The following GPRC6A variants were observed in gnomAD, a reference collection of about 807,000 sequenced individuals.
GPRC6A encodes G protein-coupled receptor class C group 6 member A.
A neutral mutation model predicts 47.0 loss-of-function variants in GPRC6A; 54 were observed. The observed-to-expected ratio is 1.15, with a 90% CI of 0.92 to 1.44. The LOEUF is 1.44. Ranked by LOEUF, GPRC6A falls within the 40% of genes most tolerant of loss-of-function variation. The pLI, the probability that GPRC6A is intolerant of heterozygous loss-of-function variation, is 0.00. For synonymous variants in GPRC6A, 347 were observed against 377.1 expected (o/e 0.92, Z 0.93); for missense variants, 1,112 against 1,105.5 (o/e 1.01, Z -0.08).
Position 116,795,724 on chromosome 6 carries a change from T to C in GPRC6A, c.1660A>G (p.Thr554Ala), listed in dbSNP as rs1181476248. The change falls in exon 5 of 6, where the codon ACT becomes GCT. Residue 554 changes from threonine (T) to alanine (A), a missense_variant. Thr to Ala is a moderately conservative substitution (Grantham distance 58, BLOSUM62 0). Coordinates refer to ENST00000310357, the MANE Select transcript of GPRC6A (RefSeq NM_148963.4). Reference sequence around the variant, plus strand: ...TGACTGTGATTACCTGTCTGATTAGTGTAATGATTTTCAGGACAGTTCTGA... The same window carrying C: ...TGACTGTGATTACCTGTCTGATTAGCGTAATGATTTTCAGGACAGTTCTGA... Reference protein sequence around the residue: ...ECQNCPENHYTNQTDMPHCLL... With the variant: ...ECQNCPENHYANQTDMPHCLL... The C allele has an allele frequency of 2.5e-6, 4 of 1,610,582 alleles. No homozygotes were observed. Among genetic ancestry groups the C allele is most frequent in the Non-Finnish European group, 3.4e-6 (4 of 1,177,568 alleles).
At chr6:116,817,358 A>G (rs1257202954) in intron 1 of GPRC6A, among the ~76,000 whole-genome samples, 18 of 151,788 alleles carry the variant, frequency 1.2e-4, no homozygotes, top group African/African-American at 3.9e-4. Flanking sequence ...AACAAACAGA[A>G]AGGACATCCA....
At chr6:116,817,485 CT>C (rs1171611805) in intron 1 of GPRC6A, among the ~76,000 whole-genome samples, 10 of 152,144 alleles carry the variant, frequency 6.6e-5, no homozygotes, top group Admixed American at 5.9e-4. Context: ...AGCACCTCTC[CT>C]CCTCCAAAGG....
At position 116,811,352 on chromosome 6, in the gene GPRC6A, C is replaced by A. The variant is rs145309060; in HGVS notation, c.195-1735G>T. ...AAATTGGAAGAAGCAACTGAAACAT[C>A]AGATGTATATATATTAACATAAGAA... On this transcript the variant is annotated intron_variant, in intron 1 of 5. Coordinates refer to ENST00000310357, the MANE Select transcript of GPRC6A (RefSeq NM_148963.4). 6.9e-4 allele frequency among the ~76,000 whole-genome samples: 105 copies of A among 151,888 alleles called. No homozygotes were observed. The East Asian group carries it at 0.019, about 28-fold the overall frequency.
Position 116,800,746 on chromosome 6 carries a change from A to C in GPRC6A, c.1386T>G (p.Phe462Leu). Residue 462 changes from phenylalanine to leucine, a missense_variant, in exon 4 of 6, where the codon TTT becomes TTG. By Grantham distance (22) the Phe-to-Leu change is conservative (BLOSUM62 0). Transcript: ENST00000310357. ...NVTFTDGWNS[F>L]HFDAHGDLNT... is the part of the protein sequence containing the mutation. ...TTAAATCCCCGTGAGCATCAAAATG[A>C]AATGAATTCCATCCATCAGTGAATG... 2 of 1,611,786 alleles carry C rather than the reference A, an allele frequency of 1.2e-6. No individual in the cohort carries two copies. Among genetic ancestry groups the C allele is most frequent in the Non-Finnish European group, 1.7e-6 (2 of 1,178,452 alleles).
chr6:116,795,913 T>A, intron 4 of GPRC6A, 78 bp from the exon 5 acceptor site: 1 of 931,190 alleles, frequency 1.1e-6, no homozygotes, highest in Non-Finnish European at 1.6e-6. Context: ...TCGGCTTAAC[T>A]TAAAGATATA....
chr6:116,807,461 T>G lies in GPRC6A; in HGVS notation c.499-255A>C, dbSNP rs1772891450. On this transcript the variant is annotated intron_variant, in intron 2 of 5. Coordinates refer to ENST00000310357, the MANE Select transcript of GPRC6A (RefSeq NM_148963.4). ...ATTTTCCATTTACACGTCTATATTC[T>G]TCTATATTTATCTTATATCTTTGGC... 2.0e-5 allele frequency among the ~76,000 whole-genome samples: 3 copies of G among 152,324 alleles called. No individual in the cohort carries two copies. The South Asian group carries it at 6.2e-4, about 32-fold the overall frequency.
In GPRC6A at chr6:116,806,858, C is replaced by T. The variant is rs1772859868; in HGVS notation, c.847G>A (p.Val283Ile). The T allele has an allele frequency of 6.2e-7, 1 of 1,613,252 alleles. No individual in the cohort carries two copies. Among genetic ancestry groups the T allele is most frequent in the African/African-American group, 1.3e-5 (1 of 74,846 alleles). ...VIVVFLRQFH[V>I]FDLFNKAIEM... ...ATGGCTTTATTGAAGAGATCAAAAA[C>T]ATGGAATTGCCTCAGAAATACCACA... Residue 283 changes from valine to isoleucine, a missense_variant, in exon 3 of 6, where the codon GTT becomes ATT. Transcript: ENST00000310357.
At chr6:116,806,219 T>C in intron 3 of GPRC6A, 151 bp downstream of exon 3, 4 of 596,230 alleles carry the variant, frequency 6.7e-6, no homozygotes, top group African/African-American at 3.7e-5. Context: ...GGCACTATGA[T>C]AGAAATGCTG....
intron 1 of GPRC6A, among the ~76,000 whole-genome samples, chr6:116,810,329 C>G (rs1230757613): frequency 1.3e-5 from 2 of 151,974 alleles, no homozygotes; most frequent in Non-Finnish European, 2.9e-5. Context: ...ATTCTAGTTT[C>G]TTTTTAGTTC....
At chr6:116,821,384 AAG>A (rs1562114631) in intron 1 of GPRC6A, among the ~76,000 whole-genome samples, 1 of 152,126 alleles carries the variant, frequency 6.6e-6, no homozygotes, top group Non-Finnish European at 1.5e-5. Context: ...GGAACCAAAA[AAG>A]AGCCCGCATC....
At position 116,815,218 on chromosome 6, in the gene GPRC6A, C is replaced by A. The variant is rs573899592; in HGVS notation, c.195-5601G>T. Among the ~76,000 whole-genome samples the A allele has an allele frequency of 3.0e-4, 45 of 152,264 alleles. No individual in the cohort carries two copies. In the South Asian group the frequency reaches 9.3e-3, roughly 32 times the overall value. ...AAACTTACGACCAGGCATGGTAGCT[C>A]ACCCCTGTAATCCCAGCACTTTGGG... On this transcript the variant is annotated intron_variant, in intron 1 of 5. Transcript: ENST00000310357.
intron 4 of GPRC6A, among the ~76,000 whole-genome samples, chr6:116,797,618 G>C (rs1273972473): frequency 6.6e-6 from 1 of 152,128 alleles, no homozygotes; most frequent in Admixed American, 6.6e-5. Flanking sequence ...GTCACTAAGA[G>C]CCTCACATAA....
intron 4 of GPRC6A, among the ~76,000 whole-genome samples, chr6:116,797,230 T>C (rs1772518274): frequency 6.6e-6 from 1 of 152,170 alleles, no homozygotes; most frequent in Admixed American, 6.5e-5. Flanking sequence ...TTTTTATGGC[T>C]GCATAGTATT....
intron 1 of GPRC6A, among the ~76,000 whole-genome samples, chr6:116,821,391 C>T (rs957674369): frequency 1.1e-3 from 173 of 152,078 alleles, no homozygotes; most frequent in African/African-American, 3.5e-3. Flanking sequence ...AAAAAGAGCC[C>T]GCATCGCCAA....
chr6:116,808,484 T>C (rs2114598268), intron 2 of GPRC6A, among the ~76,000 whole-genome samples: 2 of 152,284 alleles, frequency 1.3e-5, no homozygotes, highest in South Asian at 4.1e-4. Context: ...GGATTAAATT[T>C]TTTATTACCG....
At chr6:116,817,292 G>A (rs1399745250) in intron 1 of GPRC6A, among the ~76,000 whole-genome samples, 4 of 152,120 alleles carry the variant, frequency 2.6e-5, no homozygotes, top group South Asian at 2.1e-4. Flanking sequence ...CATCTCACAC[G>A]GCAGCGTATT....
At position 116,809,592 on chromosome 6, in the gene GPRC6A, T is replaced by C; in HGVS notation, c.220A>G (p.Thr74Ala). The C allele has an allele frequency of 6.2e-7, 1 of 1,608,676 alleles. No homozygotes were observed. Among genetic ancestry groups the C allele is most frequent in the Non-Finnish European group, 8.5e-7 (1 of 1,176,026 alleles). ...TCAATGCTGTGTATCATGGCAAGAG[T>C]TTGAAGAAAAACTGATATTTCAAAG... The part of the protein sequence containing the change: ...VGFEISVFLQ[T>A]LAMIHSIEMI... The change falls in exon 2 of 6, where the codon ACT becomes GCT. Residue 74 changes from threonine to alanine, a missense_variant. Coordinates refer to ENST00000310357, the MANE Select transcript of GPRC6A (RefSeq NM_148963.4).
At chr6:116,811,917 T>A (rs1195312460) in intron 1 of GPRC6A, among the ~76,000 whole-genome samples, 1 of 151,968 alleles carries the variant, frequency 6.6e-6, no homozygotes, top group Non-Finnish European at 1.5e-5. Flanking sequence ...ATTATTGATA[T>A]CCCAGAAGGT....
intron 3 of GPRC6A, among the ~76,000 whole-genome samples, chr6:116,805,182 A>C (rs1398404): frequency 0.49 from 74,326 of 151,692 alleles, 18,823 homozygotes; most frequent in Middle Eastern, 0.61. Context: ...AGTGTTTGCA[A>C]TTGAGAAAAG....
Sources: gnomAD v4.1 joint callset for allele counts (sites outside exome capture counted in the v4.1 genomes callset) on GRCh38, gnomAD v4.1.1 for gene constraint, MANE v1.5 for transcripts, NCBI Gene and HGNC (gene_info 2026-07-23, HGNC 2026-07-21) for gene names.